The following SPAG6 variants were observed in gnomAD, a reference collection of about 807,000 sequenced individuals.
The protein encoded by SPAG6 is sperm associated antigen 6.
A neutral mutation model predicts 58.5 loss-of-function variants in SPAG6; 49 were observed. The observed-to-expected ratio is 0.84, with a 90% CI of 0.67 to 1.06. The LOEUF (loss-of-function observed/expected upper bound fraction) is 1.06, where lower values mean the gene tolerates loss of function less well. Ranked by LOEUF, SPAG6 falls within the 50% of genes least tolerant of loss-of-function variation. The probability of loss-of-function intolerance (pLI) is 0.00; values close to 1 mark genes in which losing one functional copy is unlikely to be tolerated. For synonymous variants in SPAG6, 233 were observed against 225.6 expected (o/e 1.03, Z -0.29); for missense variants, 560 against 611.3 (o/e 0.92, Z 0.89).
At chr10:22,373,730 A>G (rs1016867784) in intron 4 of SPAG6, among the ~76,000 whole-genome samples, 2 of 152,128 alleles carry the variant, frequency 1.3e-5, no homozygotes, top group African/African-American at 2.4e-5. Flanking sequence ...CTTTCTTTTC[A>G]TACCTTTTTT....
chr10:22,368,620 C>T lies in SPAG6; in HGVS notation c.414C>T (p.Asp138=). Residue 138 remains aspartate, a synonymous_variant, in exon 4 of 11, where the codon GAC becomes GAT. Coordinates refer to ENST00000376624, the MANE Select transcript of SPAG6 (RefSeq NM_012443.4). ...TGGTCATATGCTTGGAAGATTTTGA[C>T]CCTGGAGTCAAGGAGGCTGCAGCCT... ...DTLVICLEDF[D]PGVKEAAAWA... is the part of the protein sequence containing the mutation. 1 of 1,613,844 alleles carries T rather than the reference C, an allele frequency of 6.2e-7. No individual in the cohort carries two copies. Among genetic ancestry groups the T allele is most frequent in the Non-Finnish European group, 8.5e-7 (1 of 1,179,906 alleles).
At chr10:22,414,996 C>G (rs1370680613) in intron 10 of SPAG6, among the ~76,000 whole-genome samples, 1 of 152,092 alleles carries the variant, frequency 6.6e-6, no homozygotes, top group East Asian at 1.9e-4. Flanking sequence ...GAACTCCTGA[C>G]CTCAGGTGTT....
chr10:22,403,944 T>G (rs1483058809), intron 9 of SPAG6, among the ~76,000 whole-genome samples: 1 of 151,650 alleles, frequency 6.6e-6, no homozygotes, highest in Non-Finnish European at 1.5e-5. Context: ...TTTTGAGAAG[T>G]GTCTCTTCAT....
At chr10:22,363,073 T>C (rs1053132876) in intron 2 of SPAG6, among the ~76,000 whole-genome samples, 17 of 152,324 alleles carry the variant, frequency 1.1e-4, no homozygotes, top group African/African-American at 4.1e-4. Context: ...GAAAACAGTT[T>C]GGCAATTCTT....
At chr10:22,379,351 C>T (rs753379025) in intron 4 of SPAG6, among the ~76,000 whole-genome samples, 1 of 152,184 alleles carries the variant, frequency 6.6e-6, no homozygotes, top group African/African-American at 2.4e-5. Flanking sequence ...TCCCCTCCCC[C>T]GTTGCACCAA....
intron 4 of SPAG6, among the ~76,000 whole-genome samples, chr10:22,375,872 C>A (rs372802585): frequency 1.3e-5 from 2 of 152,020 alleles, no homozygotes; most frequent in Admixed American, 1.3e-4. Flanking sequence ...CCATTGTGCC[C>A]GGCCACCTCA....
intron 6 of SPAG6, among the ~76,000 whole-genome samples, chr10:22,388,874 T>G (rs1003767158): frequency 6.6e-6 from 1 of 152,170 alleles, no homozygotes. Flanking sequence ...AGCCCTAGGC[T>G]TAGAGTCTAC....
intron 2 of SPAG6, chr10:22,346,068 G>T (rs567383532): frequency 5.9e-6 from 9 of 1,523,496 alleles, no homozygotes; most frequent in Non-Finnish European, 8.0e-6. Flanking sequence ...GTTGAAAGTC[G>T]AGGCCCTAGG....
intron 4 of SPAG6, among the ~76,000 whole-genome samples, chr10:22,379,697 GATAATAA>G: frequency 6.6e-6 from 1 of 152,228 alleles, no homozygotes; most frequent in Non-Finnish European, 1.5e-5. Context: ...GAAACTATGA[GATAATAA>G]ATGTTTGCTG....
intron 2 of SPAG6, among the ~76,000 whole-genome samples, chr10:22,347,933 G>A (rs1363653557): frequency 6.6e-6 from 1 of 152,134 alleles, no homozygotes; most frequent in Non-Finnish European, 1.5e-5. Flanking sequence ...CAGACATAAT[G>A]AATATTCAAT....
chr10:22,409,719 A>G (rs1229740877), intron 9 of SPAG6, among the ~76,000 whole-genome samples: 14 of 152,158 alleles, frequency 9.2e-5, no homozygotes, highest in Admixed American at 9.2e-4. Context: ...GTGACTAAGG[A>G]AGAGAGCAGG....
chr10:22,387,850 G>T lies in SPAG6; in HGVS notation c.706G>T (p.Val236Phe), dbSNP rs148129563. Residue 236 changes from valine (V) to phenylalanine (F), a missense_variant, in exon 6 of 11, where the codon GTT becomes TTT. Physicochemically the swap from Val to Phe is conservative, Grantham distance 50 (BLOSUM62 -1). Coordinates refer to ENST00000376624, the MANE Select transcript of SPAG6 (RefSeq NM_012443.4). ...TCAGATCCTTTCAGCTCTCAGTCAG[G>T]TTTCAAAACATTCCGTGGATCTGGC... ...KHQILSALSQVSKHSVDLAEM... is the reference protein window; with the variant it reads ...KHQILSALSQFSKHSVDLAEM... The T allele has an allele frequency of 6.3e-4, 1,012 of 1,612,868 alleles. 4 individuals are homozygous for T. In the African/African-American group the frequency reaches 0.012, roughly 19 times the overall value.
chr10:22,402,932 A>T (rs1035943115), intron 9 of SPAG6, among the ~76,000 whole-genome samples: 2 of 152,154 alleles, frequency 1.3e-5, no homozygotes, highest in African/African-American at 4.8e-5. Context: ...TTCATTTTGT[A>T]GTTTAATCTT....
intron 2 of SPAG6, chr10:22,360,881 C>A (rs766893083): frequency 1.5e-4 from 210 of 1,383,992 alleles, no homozygotes; most frequent in Non-Finnish European, 1.8e-4. Flanking sequence ...AGAAAAATTT[C>A]TTTTTATTTC....
chr10:22,415,285 TTTA>T (rs1834841891), intron 10 of SPAG6, among the ~76,000 whole-genome samples: 2 of 150,784 alleles, frequency 1.3e-5, no homozygotes, highest in South Asian at 4.1e-4. Flanking sequence ...AAATATAAAA[TTTA>T]TTAATATTTA....
chr10:22,373,916 T>G (rs1475915119), intron 4 of SPAG6, among the ~76,000 whole-genome samples: 1 of 152,222 alleles, frequency 6.6e-6, no homozygotes, highest in Non-Finnish European at 1.5e-5. Context: ...CTATGTTTTT[T>G]GGGCATAGAG....
chr10:22,409,341 T>A (rs1252186238), intron 9 of SPAG6, among the ~76,000 whole-genome samples: 3 of 152,224 alleles, frequency 2.0e-5, no homozygotes, highest in African/African-American at 7.2e-5. Flanking sequence ...TATATACTAG[T>A]GCAATCTTCT....
intron 4 of SPAG6, among the ~76,000 whole-genome samples, chr10:22,380,097 A>G (rs941989186): frequency 2.0e-5 from 3 of 152,056 alleles, no homozygotes; most frequent in African/African-American, 7.2e-5. Context: ...CCTGGCCAAC[A>G]GATTTCTTTT....
chr10:22,376,970 G>A (rs1833831105), intron 4 of SPAG6, among the ~76,000 whole-genome samples: 1 of 151,838 alleles, frequency 6.6e-6, no homozygotes, highest in Admixed American at 6.6e-5. Context: ...TTGGGAGGAT[G>A]AGGAGGGTCA....
Sources: gnomAD v4.1 joint callset for allele counts (sites outside exome capture counted in the v4.1 genomes callset) on GRCh38, gnomAD v4.1.1 for gene constraint, MANE v1.5 for transcripts, NCBI Gene and HGNC (gene_info 2026-07-23, HGNC 2026-07-21) for gene names.